Variants in CLVS1 observed in about 807,000 individuals in gnomAD.
The protein encoded by CLVS1 is clavesin 1.
A neutral mutation model predicts 33.1 loss-of-function variants in CLVS1; 10 were observed. The ratio of observed to expected loss-of-function variants is 0.30; its 90% CI spans 0.19 to 0.51. CLVS1 has a LOEUF of 0.51. Ranked by LOEUF, CLVS1 falls within the 20% of genes least tolerant of loss-of-function variation. The pLI is 0.97. For synonymous variants in CLVS1, 163 were observed against 166.1 expected, an observed-to-expected ratio of 0.98 and a Z score of 0.14; for missense variants, 343 against 433.4, an observed-to-expected ratio of 0.79 and a Z score of 1.85.
At chr8:61,477,149 A>C (rs183928491) in intron 5 of CLVS1, among the ~76,000 whole-genome samples, 13 of 152,336 alleles carry the variant, frequency 8.5e-5, no homozygotes, top group Admixed American at 7.8e-4. Flanking sequence ...GATGAAGCAC[A>C]CTTGATCATG....
At chr8:61,478,233 C>T (rs1403671077) in intron 5 of CLVS1, among the ~76,000 whole-genome samples, 3 of 152,146 alleles carry the variant, frequency 2.0e-5, no homozygotes, top group Non-Finnish European at 4.4e-5. Context: ...TGCTGTACTT[C>T]CAACTATGTG....
chr8:61,381,319 G>T (rs1813868239), intron 3 of CLVS1, among the ~76,000 whole-genome samples: 1 of 152,066 alleles, frequency 6.6e-6, no homozygotes, highest in Admixed American at 6.6e-5. Flanking sequence ...TTTTAGTCCA[G>T]GTAGGATGGA....
chr8:61,315,507 G>T (rs80035006), intron 2 of CLVS1, among the ~76,000 whole-genome samples: 34 of 152,194 alleles, frequency 2.2e-4, no homozygotes, highest in African/African-American at 8.2e-4. Flanking sequence ...ACATGACTGT[G>T]ATCCTGCCAC....
At chr8:61,422,845 G>A (rs1815731595) in intron 3 of CLVS1, among the ~76,000 whole-genome samples, 1 of 152,178 alleles carries the variant, frequency 6.6e-6, no homozygotes, top group Admixed American at 6.5e-5. Context: ...GAGGAAACCT[G>A]CTGATAGCTG....
At chr8:61,175,896 A>G (rs1358915397) in intron 2 of CLVS1, among the ~76,000 whole-genome samples, 1 of 152,210 alleles carries the variant, frequency 6.6e-6, no homozygotes, top group East Asian at 1.9e-4. Context: ...GTGCCATCTC[A>G]GCTCAACATC....
At chr8:61,440,705 G>A (rs981919156) in intron 3 of CLVS1, among the ~76,000 whole-genome samples, 1 of 152,200 alleles carries the variant, frequency 6.6e-6, no homozygotes, top group African/African-American at 2.4e-5. Context: ...AGTTAGAACT[G>A]TTCTAAGATC....
intron 5 of CLVS1, among the ~76,000 whole-genome samples, chr8:61,472,922 G>A (rs114280351): frequency 8.7e-4 from 133 of 152,216 alleles, no homozygotes; most frequent in African/African-American, 3.1e-3. Context: ...TTAACCTGGC[G>A]GACACTGCCC....
At chr8:61,426,420 G>T (rs1178824460) in intron 3 of CLVS1, among the ~76,000 whole-genome samples, 2 of 152,198 alleles carry the variant, frequency 1.3e-5, no homozygotes, top group Non-Finnish European at 2.9e-5. Flanking sequence ...TAGATAGCTT[G>T]TGTCAGATGT....
At chr8:61,461,299 A>G (rs1413520172) in intron 5 of CLVS1, among the ~76,000 whole-genome samples, 1 of 152,228 alleles carries the variant, frequency 6.6e-6, no homozygotes, top group Admixed American at 6.5e-5. Context: ...TTTGTAAAGC[A>G]TCAGTGATTT....
rs553057692 is a variant in CLVS1 at position 61,366,443 on chromosome 8, T to G, written c.456-10162T>G. Among the ~76,000 whole-genome samples the G allele has an allele frequency of 5.3e-5, 8 of 152,358 alleles. No homozygotes were observed. In the South Asian group the frequency reaches 1.7e-3, roughly 32 times the overall value. ...TCTCCTAAACCAGAATCAAATCTGT[T>G]TCCTTTCCTCCTCTTGGACCCAAGG... On this transcript the variant is annotated intron_variant, in intron 2 of 5. Transcript: ENST00000325897.
chr8:61,018,943 G>A, the CLVS1 span, among the ~76,000 whole-genome samples: 6 of 152,336 alleles, frequency 3.9e-5, no homozygotes, highest in East Asian at 1.9e-4. Flanking sequence ...TGCTGCAGCC[G>A]TGGTGGAGGC....
chr8:61,216,755 C>T (rs1447634795), intron 2 of CLVS1, among the ~76,000 whole-genome samples: 1 of 152,214 alleles, frequency 6.6e-6, no homozygotes, highest in Non-Finnish European at 1.5e-5. Context: ...CAGAGTTCAG[C>T]CTCTGCCTCA....
chr8:61,470,544 G>C (rs1463842045), intron 5 of CLVS1, among the ~76,000 whole-genome samples: 1 of 152,224 alleles, frequency 6.6e-6, no homozygotes, highest in South Asian at 2.1e-4. Flanking sequence ...GCCTAGGCAA[G>C]AATGACAAGG....
chr8:61,260,977 G>T (rs1301568427), intron 2 of CLVS1, among the ~76,000 whole-genome samples: 1 of 152,216 alleles, frequency 6.6e-6, no homozygotes, highest in East Asian at 1.9e-4. Flanking sequence ...CTAACCCCTT[G>T]AAATTTGGAT....
At chr8:61,255,448 A>G (rs72657030) in intron 2 of CLVS1, among the ~76,000 whole-genome samples, 11,666 of 152,304 alleles carry the variant, frequency 0.077, 609 homozygotes, top group East Asian at 0.17. Flanking sequence ...CACTACAGAC[A>G]AAACCTCAGT....
At chr8:61,200,705 GA>G (rs1438123705) in intron 2 of CLVS1, among the ~76,000 whole-genome samples, 1 of 152,148 alleles carries the variant, frequency 6.6e-6, no homozygotes, top group Non-Finnish European at 1.5e-5. Context: ...TTTTACTAAT[GA>G]TGTGAGATAT....
chr8:61,341,295 G>A (rs909356164), intron 2 of CLVS1, among the ~76,000 whole-genome samples: 2 of 152,184 alleles, frequency 1.3e-5, no homozygotes, highest in Non-Finnish European at 1.5e-5. Flanking sequence ...TTGGACGGCA[G>A]CATGAAGCTG....
chr8:61,365,712 C>T (rs1013058132), intron 2 of CLVS1, among the ~76,000 whole-genome samples: 2 of 151,528 alleles, frequency 1.3e-5, no homozygotes, highest in South Asian at 4.2e-4. Flanking sequence ...GAATCATCTC[C>T]GAAGTCATAT....
intron 1 of CLVS1, among the ~76,000 whole-genome samples, chr8:61,069,403 C>T (rs1312738566): frequency 7.3e-6 from 1 of 136,538 alleles, no homozygotes. Context: ...CCTTCTTTCT[C>T]TCTCTCTTCC....
Sources: allele counts gnomAD v4.1 joint callset (sites outside exome capture counted in the v4.1 genomes callset), GRCh38; gene constraint gnomAD v4.1.1; transcripts MANE v1.5; gene names NCBI Gene and HGNC (gene_info 2026-07-23, HGNC 2026-07-21).